Variants in ENPP6 observed in about 807,000 individuals in gnomAD.
ENPP6 encodes glycerophosphocholine cholinephosphodiesterase ENPP6.
A neutral mutation model predicts 42.0 loss-of-function variants in ENPP6; 32 were observed. The ratio of observed to expected loss-of-function variants is 0.76; its 90% CI spans 0.58 to 1.02. ENPP6 has a LOEUF of 1.02. Among genes scored for constraint, ENPP6 ranks in the 50% least tolerant of loss-of-function variants. The probability of loss-of-function intolerance (pLI) is 0.00; values close to 1 mark genes in which losing one functional copy is unlikely to be tolerated. For synonymous variants in ENPP6, 213 were observed against 216.0 expected (o/e 0.99, Z 0.12); for missense variants, 552 against 566.8 (o/e 0.97, Z 0.27).
intron 1 of ENPP6, chr4:184,216,418 T>A (rs1733196769): frequency 6.6e-6 from 1 of 152,226 alleles, no homozygotes; most frequent in Non-Finnish European, 1.5e-5. Flanking sequence ...CCCTTCAGTT[T>A]GGGGCATCAG....
chr4:184,099,724 G>C (rs1735968388), intron 6 of ENPP6, among the ~76,000 whole-genome samples: 1 of 152,170 alleles, frequency 6.6e-6, no homozygotes, highest in African/African-American at 2.4e-5. Context: ...TCCAGCTGTG[G>C]TTCGTGTTTT....
chr4:184,124,423 G>T (rs369182825), intron 2 of ENPP6, 151 bp from the exon 3 acceptor site: 2 of 594,340 alleles, frequency 3.4e-6, no homozygotes, highest in East Asian at 3.0e-5. Flanking sequence ...GCTAATAAGT[G>T]GTGTATTTAA....
At chr4:184,211,228 A>T (rs919337090) in intron 1 of ENPP6, among the ~76,000 whole-genome samples, 5 of 152,180 alleles carry the variant, frequency 3.3e-5, no homozygotes, top group African/African-American at 4.8e-5. Flanking sequence ...GGCAAGAAAT[A>T]ACCAAAATCA....
intron 6 of ENPP6, among the ~76,000 whole-genome samples, chr4:184,110,678 C>T (rs976735421): frequency 2.6e-5 from 4 of 152,248 alleles, no homozygotes; most frequent in African/African-American, 4.8e-5. Flanking sequence ...CACCTTGTGA[C>T]GTTGAAGAAA....
intron 6 of ENPP6, among the ~76,000 whole-genome samples, chr4:184,102,287 C>A (rs779127937): frequency 3.9e-5 from 6 of 151,962 alleles, no homozygotes; most frequent in Non-Finnish European, 8.8e-5. Flanking sequence ...TGCGAGGCTG[C>A]GCTGGGAGTG....
chr4:184,185,762 C>T (rs909871934), intron 1 of ENPP6, among the ~76,000 whole-genome samples: 1 of 152,288 alleles, frequency 6.6e-6, no homozygotes, highest in East Asian at 1.9e-4. Context: ...AAAGGCAAAA[C>T]AATTTCTCTT....
At chr4:184,120,541 G>A (rs1454535429) in intron 3 of ENPP6, among the ~76,000 whole-genome samples, 4 of 152,184 alleles carry the variant, frequency 2.6e-5, no homozygotes, top group Non-Finnish European at 5.9e-5. Context: ...CCAACCCCAT[G>A]AGCCATTCAA....
At chr4:184,093,979 C>G (rs1384632955) in intron 7 of ENPP6, among the ~76,000 whole-genome samples, 1 of 151,956 alleles carries the variant, frequency 6.6e-6, no homozygotes, top group African/African-American at 2.4e-5. Context: ...GTCCCACAGG[C>G]TTTCAAATAT....
intron 1 of ENPP6, among the ~76,000 whole-genome samples, chr4:184,194,712 G>C (rs963817876): frequency 1.2e-4 from 18 of 152,242 alleles, no homozygotes; most frequent in Admixed American, 6.5e-5. Context: ...GACACGCCCT[G>C]CTTGGTGGCA....
chr4:184,101,242 TGTGA>T lies in ENPP6; in HGVS notation c.994-3878_994-3875del, dbSNP rs200681855. ...GTAAGCATGTGTGTGCGTGTGTATA[TGTGA>T]GTGTGTGTTTATGTGTGTCTGTGTT... On this transcript the variant is annotated intron_variant, in intron 6 of 7. Coordinates refer to ENST00000296741, the MANE Select transcript of ENPP6 (RefSeq NM_153343.4). Among the ~76,000 whole-genome samples, 724 of 152,010 alleles carry T rather than the reference TGTGA, an allele frequency of 4.8e-3. 9 individuals carry two copies. Among genetic ancestry groups the T allele is most frequent in the African/African-American group, 0.017 (687 of 41,448 alleles).
intron 6 of ENPP6, among the ~76,000 whole-genome samples, chr4:184,109,231 AAC>A (rs1374486715): frequency 1.0e-3 from 115 of 110,356 alleles, no homozygotes; most frequent in African/African-American, 2.7e-3. Context: ...CAACAACAAC[AAC>A]AAAAAAAAAC....
In ENPP6 at chr4:184,108,030, T is replaced by G. The variant is rs1736132999; in HGVS notation, c.993+4642A>C. 2.0e-5 allele frequency among the ~76,000 whole-genome samples: 3 copies of G among 152,206 alleles called. 1 individual carries two copies. Among genetic ancestry groups the G allele is most frequent in the African/African-American group, 7.2e-5 (3 of 41,456 alleles). On this transcript the variant is annotated intron_variant, in intron 6 of 7. Transcript: ENST00000296741. ...AAGTCTTCCTGTTAGTGCAGCCGCC[T>G]TAGAGTCTGCAAGACTTAAATTTAT... is the stretch of plus-strand genomic sequence containing the variant.
At chr4:184,191,056 C>T (rs1358631902) in intron 1 of ENPP6, among the ~76,000 whole-genome samples, 1 of 152,182 alleles carries the variant, frequency 6.6e-6, no homozygotes, top group Non-Finnish European at 1.5e-5. Flanking sequence ...TGTGTGCAGG[C>T]GTATGCCACG....
At chr4:184,148,781 A>G (rs1736968406) in intron 2 of ENPP6, among the ~76,000 whole-genome samples, 1 of 152,174 alleles carries the variant, frequency 6.6e-6, no homozygotes, top group Admixed American at 6.5e-5. Flanking sequence ...TTTTTAACAC[A>G]TTTCTATTGC....
intron 1 of ENPP6, among the ~76,000 whole-genome samples, chr4:184,207,948 C>G (rs2111121310): frequency 6.6e-6 from 1 of 152,308 alleles, no homozygotes; most frequent in East Asian, 1.9e-4. Flanking sequence ...CGTGCGCATG[C>G]CTGTGTCTCT....
chr4:184,164,574 G>A (rs573556765), intron 1 of ENPP6, among the ~76,000 whole-genome samples: 23 of 152,260 alleles, frequency 1.5e-4, no homozygotes, highest in South Asian at 2.1e-4. Flanking sequence ...GCTACGAGAA[G>A]CTAAAGAACC....
intron 2 of ENPP6, among the ~76,000 whole-genome samples, chr4:184,126,767 T>C (rs1488224837): frequency 2.6e-5 from 4 of 152,326 alleles, no homozygotes; most frequent in Middle Eastern, 6.8e-3. Flanking sequence ...CCTGTGACAC[T>C]AGTGGAAAAA....
rs1204372332 is a variant in ENPP6, at chr4:184,217,870, G to T, written c.-51C>A. 1.3e-6 allele frequency: 2 copies of T among 1,586,314 alleles called. No individual in the cohort carries two copies. Among genetic ancestry groups the T allele is most frequent in the Admixed American group, 3.6e-5 (2 of 55,530 alleles). ...GCTGGCACAGCTGTCGCCTTGCAAA[G>T]ACTGAGGATGGAGAATCTGTAGCTA... is the stretch of plus-strand genomic sequence containing the variant. On this transcript the variant is annotated 5_prime_UTR_variant, in exon 1 of 8. Transcript: ENST00000296741.
At chr4:184,201,046 G>T (rs933687290) in intron 1 of ENPP6, among the ~76,000 whole-genome samples, 1 of 152,112 alleles carries the variant, frequency 6.6e-6, no homozygotes, top group African/African-American at 2.4e-5. Context: ...CCTTGCTGTC[G>T]AAAGGGCTGA....
Sources: gnomAD v4.1 joint callset for allele counts (sites outside exome capture counted in the v4.1 genomes callset) on GRCh38, gnomAD v4.1.1 for gene constraint, MANE v1.5 for transcripts, NCBI Gene and HGNC (gene_info 2026-07-23, HGNC 2026-07-21) for gene names.